MAPK4: variants seen among roughly 807,000 people sequenced by gnomAD.
MAPK4 encodes Erk3-related.
In MAPK4, 22 loss-of-function variants were observed where a neutral mutation model predicts 47.7. The ratio of observed to expected loss-of-function variants is 0.46; its 90% CI spans 0.33 to 0.66. The LOEUF (loss-of-function observed/expected upper bound fraction) is 0.66. Among genes scored for constraint, MAPK4 ranks in the 30% least tolerant of loss-of-function variants. The pLI is 0.02. For synonymous variants in MAPK4, 390 were observed against 365.7 expected (o/e 1.07, Z -0.76); for missense variants, 736 against 831.7 (o/e 0.88, Z 1.42).
At chr18:50,717,300 G>C (rs1426111141) in intron 3 of MAPK4, among the ~76,000 whole-genome samples, 1 of 152,166 alleles carries the variant, frequency 6.6e-6, no homozygotes, top group Non-Finnish European at 1.5e-5. Context: ...GAATGGAAAA[G>C]GGCACGAAAG....
At chr18:50,634,012 C>G (rs1443713689) in intron 1 of MAPK4, among the ~76,000 whole-genome samples, 1 of 152,102 alleles carries the variant, frequency 6.6e-6, no homozygotes, top group East Asian at 1.9e-4. Flanking sequence ...TGTAGGAGAA[C>G]AGTAGTTTGG....
In MAPK4 at chr18:50,632,081, T is replaced by C. The variant is rs1328772632; in HGVS notation, c.-870-31008T>C. Among the ~76,000 whole-genome samples, 25 of 152,256 alleles carry C rather than the reference T, an allele frequency of 1.6e-4. No individual in the cohort carries two copies. The East Asian group carries it at 4.8e-3, about 29-fold the overall frequency. ...GGCTTGATCTCCTAGGTATGGGCCC[T>C]ACTGTGGTTAGAGGCTTCCAAATGG... On this transcript the variant is annotated intron_variant, in intron 1 of 5. Coordinates refer to ENST00000400384, the MANE Select transcript of MAPK4 (RefSeq NM_002747.4).
At chr18:50,607,355 G>A (rs761800049) in intron 1 of MAPK4, among the ~76,000 whole-genome samples, 1 of 152,216 alleles carries the variant, frequency 6.6e-6, no homozygotes, top group African/African-American at 2.4e-5. Flanking sequence ...AGTAGGATAT[G>A]AGCCCAGATC....
chr18:50,642,000 A>G (rs890986318), intron 1 of MAPK4, among the ~76,000 whole-genome samples: 1 of 152,242 alleles, frequency 6.6e-6, no homozygotes, highest in African/African-American at 2.4e-5. Flanking sequence ...CATTCTATAT[A>G]ACTTACATTT....
chr18:50,612,043 T>G (rs769316724), intron 1 of MAPK4, among the ~76,000 whole-genome samples: 1 of 152,234 alleles, frequency 6.6e-6, no homozygotes, highest in Non-Finnish European at 1.5e-5. Flanking sequence ...CATAGACTAT[T>G]TCTAGTACCC....
chr18:50,687,943 G>A (rs1908977572), intron 2 of MAPK4, among the ~76,000 whole-genome samples: 1 of 152,164 alleles, frequency 6.6e-6, no homozygotes, highest in African/African-American at 2.4e-5. Flanking sequence ...AACCTTTAGC[G>A]AGATCAGGAC....
intron 3 of MAPK4, among the ~76,000 whole-genome samples, chr18:50,718,102 T>A (rs1910734443): frequency 6.6e-6 from 1 of 152,154 alleles, no homozygotes. Flanking sequence ...TGATTTGGTT[T>A]CAAATAATGC....
At chr18:50,639,180 T>A (rs575633515) in intron 1 of MAPK4, among the ~76,000 whole-genome samples, 19 of 152,240 alleles carry the variant, frequency 1.2e-4, no homozygotes, top group African/African-American at 4.6e-4. Flanking sequence ...TGGGTGGAAG[T>A]GAGCAGCCTT....
intron 1 of MAPK4, among the ~76,000 whole-genome samples, chr18:50,631,049 G>A (rs1223471563): frequency 1.3e-5 from 2 of 152,200 alleles, no homozygotes; most frequent in Admixed American, 6.5e-5. Flanking sequence ...ATTCGCTGAT[G>A]TGCACAGAGT....
In MAPK4 at chr18:50,560,204, G is replaced by A. The variant is rs2042140013; in HGVS notation, c.-910G>A. ...GGCGCCGCGGCCGCAGACAAAGGGC[G>A]GCTCGCGCCCGGGCCGCCACGCTCT... On this transcript the variant is annotated 5_prime_UTR_variant, in exon 1 of 6. Coordinates refer to ENST00000400384, the MANE Select transcript of MAPK4 (RefSeq NM_002747.4). 1 of 150,856 alleles carries A rather than the reference G, an allele frequency of 6.6e-6. No homozygotes were observed. Among genetic ancestry groups the A allele is most frequent in the Non-Finnish European group, 1.5e-5 (1 of 67,670 alleles). 9.3% of individuals were successfully genotyped at this position (150,856 alleles called of 1,614,324 possible). A position where few individuals can be genotyped will look rare whatever the true frequency, so the allele number is the denominator to read the frequency against.
At chr18:50,635,142 G>T (rs971365912) in intron 1 of MAPK4, among the ~76,000 whole-genome samples, 16 of 152,148 alleles carry the variant, frequency 1.1e-4, no homozygotes, top group African/African-American at 3.9e-4. Flanking sequence ...GGCACAGAGT[G>T]GGTTTTCAGT....
At chr18:50,711,465 CTG>C (rs1910359091) in intron 2 of MAPK4, among the ~76,000 whole-genome samples, 1 of 152,248 alleles carries the variant, frequency 6.6e-6, no homozygotes, top group South Asian at 2.1e-4. Context: ...TCACAGAGAA[CTG>C]TGGGAGTGTG....
At chr18:50,688,849 A>G (rs192413840) in intron 2 of MAPK4, among the ~76,000 whole-genome samples, 4 of 149,770 alleles carry the variant, frequency 2.7e-5, no homozygotes, top group Admixed American at 6.7e-5. Context: ...ACTTACTCAT[A>G]TAACCAAATA....
At chr18:50,605,688 C>T (rs2042576826) in intron 1 of MAPK4, among the ~76,000 whole-genome samples, 1 of 152,200 alleles carries the variant, frequency 6.6e-6, no homozygotes, top group African/African-American at 2.4e-5. Flanking sequence ...TTCCAGGGAA[C>T]AAGAAGCAGG....
chr18:50,604,439 C>A lies in MAPK4; in HGVS notation c.-871+44196C>A, dbSNP rs993742827. The stretch of plus-strand genomic sequence containing the variant: ...ACCGGATAAATAAGGCATCACTTTC[C>A]ATGGTTAGTAATTGCAAAATACCCC... On this transcript the variant is annotated intron_variant, in intron 1 of 5. Transcript: ENST00000400384. Among the ~76,000 whole-genome samples the A allele has an allele frequency of 2.0e-5, 3 of 152,126 alleles. No homozygotes were observed. The South Asian group carries it at 6.2e-4, about 32-fold the overall frequency.
In MAPK4 at chr18:50,615,590, TGA is replaced by T. The variant is rs1309053823; in HGVS notation, c.-870-47494_-870-47493del. Among the ~76,000 whole-genome samples, 3 of 152,202 alleles carry T rather than the reference TGA, an allele frequency of 2.0e-5. No individual in the cohort carries two copies. In the East Asian group the frequency reaches 5.8e-4, roughly 29 times the overall value. On this transcript the variant is annotated intron_variant, in intron 1 of 5. Transcript: ENST00000400384. Reference sequence around the variant, plus strand: ...ACACATCCCGCTGGTCATAAACAGCTGAGAGATGGAGTTTTCCATGGGTGGCC... The same window carrying T: ...ACACATCCCGCTGGTCATAAACAGCTGAGATGGAGTTTTCCATGGGTGGCC...
intron 1 of MAPK4, among the ~76,000 whole-genome samples, chr18:50,565,104 C>T (rs1349960153): frequency 1.3e-5 from 2 of 152,224 alleles, no homozygotes; most frequent in African/African-American, 4.8e-5. Context: ...GAATAGGAAG[C>T]TAGTCCTACC....
chr18:50,725,557 G>A lies in MAPK4; in HGVS notation c.854-405G>A, dbSNP rs1010503487. Among the ~76,000 whole-genome samples the A allele has an allele frequency of 3.3e-5, 5 of 152,180 alleles. No homozygotes were observed. In the East Asian group the frequency reaches 9.7e-4, roughly 29 times the overall value. On this transcript the variant is annotated intron_variant, in intron 4 of 5. Coordinates refer to ENST00000400384, the MANE Select transcript of MAPK4 (RefSeq NM_002747.4). The stretch of plus-strand genomic sequence containing the variant: ...AGTGTGGCCCACACTGTCTCTGGAG[G>A]ATCCCAGATGCCCACAGGAGTAACC...
chr18:50,694,169 T>C (rs1909382175), intron 2 of MAPK4, among the ~76,000 whole-genome samples: 1 of 152,240 alleles, frequency 6.6e-6, no homozygotes, highest in Admixed American at 6.5e-5. Context: ...GTAAATCTGC[T>C]GCTCTCTGAA....
Sources: gnomAD v4.1 joint callset for allele counts (sites outside exome capture counted in the v4.1 genomes callset) on GRCh38, gnomAD v4.1.1 for gene constraint, MANE v1.5 for transcripts, NCBI Gene and HGNC (gene_info 2026-07-23, HGNC 2026-07-21) for gene names.